TMEM117: variants seen among roughly 807,000 people sequenced by gnomAD.
TMEM117 encodes the protein transmembrane protein 117.
A neutral mutation model predicts 52.4 loss-of-function variants in TMEM117; 27 were observed. The observed-to-expected ratio is 0.51, with a 90% confidence interval of 0.38 to 0.71. The LOEUF is 0.71. Among genes scored for constraint, TMEM117 ranks in the 30% least tolerant of loss-of-function variants. The pLI, the probability that TMEM117 is intolerant of heterozygous loss-of-function variation, is 0.00. For synonymous variants in TMEM117, 215 were observed against 206.3 expected (o/e 1.04, Z -0.36); for missense variants, 556 against 630.5 (o/e 0.88, Z 1.26).
At chr12:44,364,655 T>G (rs1354238757) in intron 6 of TMEM117, among the ~76,000 whole-genome samples, 6 of 152,142 alleles carry the variant, frequency 3.9e-5, no homozygotes, top group Non-Finnish European at 7.4e-5. Context: ...GGGCTTCTTG[T>G]AACACAGTAA....
chr12:44,272,368 C>G (rs1950457002), intron 5 of TMEM117, among the ~76,000 whole-genome samples: 1 of 152,036 alleles, frequency 6.6e-6, no homozygotes, highest in Non-Finnish European at 1.5e-5. Flanking sequence ...CCAAAATTGA[C>G]AAATGGGATC....
At position 44,013,780 on chromosome 12, in the gene TMEM117, C is replaced by G. The variant is rs543141078; in HGVS notation, c.410+69438C>G. On this transcript the variant is annotated intron_variant, in intron 3 of 7. Transcript: ENST00000266534. ...AAGAGGTTTCTGCTCATGAATTCCT[C>G]CTTTGGTAAGTTGTGATTCTCTGTA... Among the ~76,000 whole-genome samples the G allele has an allele frequency of 2.6e-4, 39 of 152,158 alleles. 2 individuals carry two copies. Among genetic ancestry groups the G allele is most frequent in the African/African-American group, 9.4e-4 (39 of 41,514 alleles).
At chr12:44,190,127 T>A (rs1205104912) in intron 4 of TMEM117, among the ~76,000 whole-genome samples, 2 of 152,198 alleles carry the variant, frequency 1.3e-5, no homozygotes, top group Non-Finnish European at 2.9e-5. Flanking sequence ...AAATGGTCAC[T>A]GAAAGAATGG....
chr12:44,300,617 A>G (rs929665835), intron 6 of TMEM117, among the ~76,000 whole-genome samples: 6 of 152,174 alleles, frequency 3.9e-5, no homozygotes, highest in Admixed American at 2.0e-4. Context: ...TTGTCTCAAA[A>G]GAGAATAACA....
intron 3 of TMEM117, among the ~76,000 whole-genome samples, chr12:44,017,233 C>CTGTGTGTGTG (rs143648069): frequency 0.085 from 12,497 of 147,274 alleles, 767 homozygotes; most frequent in African/African-American, 0.17. Context: ...ATGAAGCCTT[C>CTGTGTGTGTG]TGTGTGTGTG....
intron 2 of TMEM117, among the ~76,000 whole-genome samples, chr12:43,920,346 T>C (rs960706709): frequency 1.3e-5 from 2 of 152,060 alleles, no homozygotes; most frequent in Admixed American, 1.3e-4. Flanking sequence ...ACCCTGTCTC[T>C]ACTAAAAATA....
chr12:44,042,122 A>G (rs1229969876), intron 3 of TMEM117, among the ~76,000 whole-genome samples: 1 of 152,188 alleles, frequency 6.6e-6, no homozygotes, highest in African/African-American at 2.4e-5. Flanking sequence ...AGGCTCATAG[A>G]TCTGATGTAC....
intron 3 of TMEM117, among the ~76,000 whole-genome samples, chr12:44,115,467 C>G (rs1290292419): frequency 1.3e-5 from 2 of 152,012 alleles, no homozygotes; most frequent in Non-Finnish European, 1.5e-5. Context: ...TTTAAAAAAC[C>G]CGCTATGCCA....
intron 5 of TMEM117, among the ~76,000 whole-genome samples, chr12:44,246,910 C>T (rs956013553): frequency 2.6e-5 from 4 of 152,144 alleles, no homozygotes; most frequent in African/African-American, 9.7e-5. Context: ...TTGCTGGGCC[C>T]TGCATCTGTT....
chr12:44,347,483 G>A (rs905856516), intron 6 of TMEM117, among the ~76,000 whole-genome samples: 1 of 152,036 alleles, frequency 6.6e-6, no homozygotes, highest in African/African-American at 2.4e-5. Flanking sequence ...GTATATATGT[G>A]TTTTGTTATG....
At chr12:44,338,561 A>G (rs11182468) in intron 6 of TMEM117, among the ~76,000 whole-genome samples, 4,870 of 152,112 alleles carry the variant, frequency 0.032, 257 homozygotes, top group African/African-American at 0.11. Context: ...GCGTGTCCAT[A>G]TAAATGTGCT....
chr12:43,999,159 T>G (rs940188617), intron 3 of TMEM117, among the ~76,000 whole-genome samples: 11 of 152,236 alleles, frequency 7.2e-5, no homozygotes, highest in Non-Finnish European at 1.6e-4. Flanking sequence ...TTCCAGTCAT[T>G]CCGCTCCTAG....
chr12:43,937,661 C>G (rs7133994), intron 2 of TMEM117, among the ~76,000 whole-genome samples: 145,389 of 152,280 alleles, frequency 0.95, 69,755 homozygotes, highest in East Asian at 1. Flanking sequence ...CAGAGGGCAA[C>G]TATAATAGGA....
chr12:43,839,740 C>T (rs963966231), intron 1 of TMEM117, among the ~76,000 whole-genome samples: 2 of 152,220 alleles, frequency 1.3e-5, no homozygotes, highest in African/African-American at 4.8e-5. Context: ...GGTAGTTACC[C>T]TAGCACATAG....
intron 6 of TMEM117, among the ~76,000 whole-genome samples, chr12:44,351,146 CAT>C (rs1409035471): frequency 6.6e-6 from 1 of 151,934 alleles, no homozygotes; most frequent in Non-Finnish European, 1.5e-5. Context: ...GTTTGTCACT[CAT>C]ATGTCTTCTT....
chr12:44,010,271 A>G (rs7980005), intron 3 of TMEM117: 52,286 of 456,624 alleles, frequency 0.11, 4,528 homozygotes, highest in African/African-American at 0.33. Flanking sequence ...CACTTCAGTA[A>G]GCTCTGGCTT....
chr12:44,128,076 G>T (rs1159416297), intron 3 of TMEM117, among the ~76,000 whole-genome samples: 1 of 152,196 alleles, frequency 6.6e-6, no homozygotes, highest in Non-Finnish European at 1.5e-5. Context: ...TCCCATTTCA[G>T]TTCTCATTTC....
At chr12:43,817,315 A>T in the TMEM117 span, among the ~76,000 whole-genome samples, 1 of 152,240 alleles carries the variant, frequency 6.6e-6, no homozygotes, top group Non-Finnish European at 1.5e-5. Flanking sequence ...TTTTGAAAAC[A>T]TAGTGATTGA....
intron 2 of TMEM117, among the ~76,000 whole-genome samples, chr12:43,879,527 C>T (rs996033569): frequency 1.3e-5 from 2 of 152,088 alleles, no homozygotes; most frequent in Non-Finnish European, 2.9e-5. Flanking sequence ...TGTATCAATG[C>T]GTATAGCTAA....
Sources: allele counts gnomAD v4.1 joint callset (sites outside exome capture counted in the v4.1 genomes callset), GRCh38; gene constraint gnomAD v4.1.1; transcripts MANE v1.5; gene names NCBI Gene and HGNC (gene_info 2026-07-23, HGNC 2026-07-21).